The following AGAP3 variants were observed in gnomAD, a reference collection of about 807,000 sequenced individuals.
AGAP3 encodes ArfGAP with GTPase domain, ankyrin repeat and PH domain 3.
Under a neutral mutation model 96.9 loss-of-function variants are expected in AGAP3, and 24 were observed. The ratio of observed to expected loss-of-function variants is 0.25; its 90% CI spans 0.18 to 0.35. AGAP3 has a LOEUF of 0.35. AGAP3 is among the 10% of genes least tolerant of loss of function. The pLI is 1.00. For missense variants in AGAP3, 876 were observed against 1,254.2 expected (o/e 0.70, Z 4.55); for synonymous variants, 563 against 536.1 (o/e 1.05, Z -0.69).
Position 151,127,390 on chromosome 7 carries a change from C to G in AGAP3, c.1222-1190C>G, listed in dbSNP as rs540186570. Reference sequence around the variant, plus strand: ...TAAGTATGGGCAGAGTCCGCTTTTTCAAGTCTCCCTGCTGGGGGTGCTGCC... The same window carrying G: ...TAAGTATGGGCAGAGTCCGCTTTTTGAAGTCTCCCTGCTGGGGGTGCTGCC... On this transcript the variant is annotated intron_variant, in intron 9 of 17. Transcript: ENST00000397238. Among the ~76,000 whole-genome samples, 20 of 152,286 alleles carry G rather than the reference C, an allele frequency of 1.3e-4. No individual in the cohort carries two copies. In the South Asian group the frequency reaches 3.7e-3, roughly 28 times the overall value.
chr7:151,106,263 C>A (rs1420362275), intron 1 of AGAP3, among the ~76,000 whole-genome samples: 2 of 151,608 alleles, frequency 1.3e-5, no homozygotes, highest in Non-Finnish European at 2.9e-5. Context: ...CACAGCAGAT[C>A]TGGGTGTGAG....
intron 1 of AGAP3, among the ~76,000 whole-genome samples, chr7:151,094,167 C>T (rs867858720): frequency 6.6e-5 from 10 of 152,218 alleles, no homozygotes; most frequent in Non-Finnish European, 1.0e-4. Flanking sequence ...ACCCCCAACG[C>T]GGTGTGCTTA....
At chr7:151,110,875 T>G (rs1170756039) in intron 1 of AGAP3, among the ~76,000 whole-genome samples, 2 of 152,022 alleles carry the variant, frequency 1.3e-5, no homozygotes, top group African/African-American at 4.8e-5. Flanking sequence ...GCTCATGTGG[T>G]GCTGTTGAAA....
Position 151,134,542 on chromosome 7 carries a change from G to A in AGAP3, c.1469G>A (p.Ser490Asn), listed in dbSNP as rs1370967715. 6.2e-7 allele frequency: 1 copy of A among 1,612,428 alleles called. No individual in the cohort carries two copies. The highest frequency in any genetic ancestry group is 1.7e-5 in the Admixed American group (1 of 59,942). ...GCCAACGGGCTGTCCGTGGAGCGGA[G>A]TAACACACAGCTGGGTGGGGGCACA... ...PRANGLSVER[S>N]NTQLGGGTGA... The change falls in exon 11 of 18, where the codon AGT becomes AAT. Residue 490 changes from serine to asparagine, a missense_variant. By Grantham distance (46) the Ser-to-Asn change is conservative (BLOSUM62 1). This residue lies in a region of AGAP3 where 155 missense variants were observed against 144.4 expected (regional missense o/e 1.07). Coordinates refer to ENST00000397238, the MANE Select transcript of AGAP3 (RefSeq NM_031946.7).
intron 1 of AGAP3, among the ~76,000 whole-genome samples, chr7:151,107,877 T>G (rs1234244000): frequency 6.6e-6 from 1 of 152,206 alleles, no homozygotes; most frequent in Non-Finnish European, 1.5e-5. Context: ...GTACGATGCT[T>G]CATATTCTGA....
chr7:151,093,068 T>G (rs1369347096), intron 1 of AGAP3, among the ~76,000 whole-genome samples: 1 of 152,226 alleles, frequency 6.6e-6, no homozygotes, highest in African/African-American at 2.4e-5. Context: ...GTAGCACGGA[T>G]GTAGCGTACA....
intron 11 of AGAP3, among the ~76,000 whole-genome samples, chr7:151,137,321 G>A (rs377519792): frequency 2.0e-5 from 3 of 152,254 alleles, no homozygotes; most frequent in Non-Finnish European, 4.4e-5. Flanking sequence ...CCGCTTCAAG[G>A]TTGAAGCACC....
chr7:151,087,373 G>A (rs908384369), intron 1 of AGAP3, among the ~76,000 whole-genome samples: 12 of 152,316 alleles, frequency 7.9e-5, no homozygotes, highest in Non-Finnish European at 1.3e-4. Context: ...GGTGGGCGCG[G>A]CAGAGGGCTT....
At chr7:151,115,254 T>C in intron 1 of AGAP3, 1 of 1,002,226 alleles carries the variant, frequency 1.0e-6, no homozygotes, top group Non-Finnish European at 1.2e-6. Context: ...CGCGGCGTTG[T>C]GGAGCAGCCA....
chr7:151,102,790 A>G (rs1175366348), intron 1 of AGAP3, among the ~76,000 whole-genome samples: 1 of 151,810 alleles, frequency 6.6e-6, no homozygotes, highest in South Asian at 2.1e-4. Context: ...TAATTTTTCT[A>G]TTTTTAGTAG....
At chr7:151,104,123 G>T (rs1045067663) in intron 1 of AGAP3, among the ~76,000 whole-genome samples, 1 of 152,140 alleles carries the variant, frequency 6.6e-6, no homozygotes, top group Non-Finnish European at 1.5e-5. Context: ...CCGCACAACT[G>T]TTCACCTGAT....
chr7:151,119,338 A>C (rs971515898), intron 7 of AGAP3: 3 of 158,010 alleles, frequency 1.9e-5, no homozygotes, highest in Non-Finnish European at 4.2e-5. Flanking sequence ...TGTGCCGTGC[A>C]TGCTTCCCGA....
rs201293080 is a variant in AGAP3 at position 151,117,644 on chromosome 7, C to T, written c.573C>T (p.Ala191=). 204 of 1,614,080 alleles carry T rather than the reference C, an allele frequency of 1.3e-4. No individual in the cohort carries two copies. The African/African-American group carries it at 2.6e-3, about 20-fold the overall frequency. The change falls in exon 5 of 18, where the codon GCC becomes GCT. Residue 191 remains alanine (A), a synonymous_variant. Transcript: ENST00000397238. ...TACTTGCTCTACCCTAGTTTGCTGC[C>T]TGGGTGGATGCAGTGGTGTTTGTGT... ...EGGPPELQFA[A]WVDAVVFVFS... is the part of the protein sequence containing the mutation.
At chr7:151,089,361 C>G (rs1022648722) in intron 1 of AGAP3, among the ~76,000 whole-genome samples, 1 of 152,170 alleles carries the variant, frequency 6.6e-6, no homozygotes, top group Non-Finnish European at 1.5e-5. Flanking sequence ...GCCCTCCACC[C>G]CCAGCCCCAG....
rs757688100 is a variant in AGAP3, at chr7:151,122,462, G to GTGGAC, written c.1129-1331_1129-1327dup. Among the ~76,000 whole-genome samples, 23 of 152,300 alleles carry GTGGAC rather than the reference G, an allele frequency of 1.5e-4. No homozygotes were observed. The East Asian group carries it at 1.9e-3, about 13-fold the overall frequency. On this transcript the variant is annotated intron_variant, in intron 8 of 17. Coordinates refer to ENST00000397238, the MANE Select transcript of AGAP3 (RefSeq NM_031946.7). ...GGCGAACATACCATTCCGTGCTGAG[G>GTGGAC]TGGACGCTTGGCCTGTGTCTGCCCA...
rs1554459022 is a variant in AGAP3, at chr7:151,086,873, G to GGGC, written c.142_144dup (p.Gly48dup). 2 of 1,231,374 alleles carry GGGC rather than the reference G, an allele frequency of 1.6e-6. No individual in the cohort carries two copies. The highest frequency in any genetic ancestry group is 1.6e-5 in the African/African-American group (1 of 62,936). 76.3% of individuals were successfully genotyped at this position (1,231,374 alleles called of 1,614,324 possible). ...TCGGCGGCGCGGGGCCCGGGGCCGG[G>GGGC]GGCGGCGGCGGCCCCTCGCAGCAGC... On this transcript the variant is annotated inframe_insertion, in exon 1 of 18. Coordinates refer to ENST00000397238, the MANE Select transcript of AGAP3 (RefSeq NM_031946.7).
At position 151,087,224 on chromosome 7, in the gene AGAP3, A is replaced by C. The variant is rs867266532; in HGVS notation, c.331+152A>C. ...CACGAGGTTTGCCGATCTGTGTTGC[A>C]GAACCGGCGGGCAGCTTCGCCATAT... On this transcript the variant is annotated intron_variant, in intron 1 of 17. Coordinates refer to ENST00000397238, the MANE Select transcript of AGAP3 (RefSeq NM_031946.7). 6.2e-5 allele frequency: 50 copies of C among 810,732 alleles called. 1 individual carries two copies. In the Middle Eastern group the frequency reaches 1.4e-3, roughly 22 times the overall value. The allele number at this position is 810,732 out of a possible 1,614,324, so 50.2% of individuals were successfully genotyped here.
rs982923187 is a variant in AGAP3, at chr7:151,116,581, T to C, written c.332-212T>C. 1.7e-5 allele frequency: 10 copies of C among 592,776 alleles called. No homozygotes were observed. In the African/African-American group the frequency reaches 1.9e-4, roughly 11 times the overall value. 36.7% of individuals were successfully genotyped at this position (592,776 alleles called of 1,614,324 possible). On this transcript the variant is annotated intron_variant, in intron 1 of 17. Coordinates refer to ENST00000397238, the MANE Select transcript of AGAP3 (RefSeq NM_031946.7). ...ACTGAGCCCACAGCCCTCAGAGTCC[T>C]GTTCTGAAGACCATCCTTACTCTGC... is the stretch of plus-strand genomic sequence containing the variant.
At position 151,142,244 on chromosome 7, in the gene AGAP3, G is replaced by A. The variant is rs1170673630; in HGVS notation, c.2041G>A (p.Asp681Asn). 23 of 1,612,912 alleles carry A rather than the reference G, an allele frequency of 1.4e-5. No homozygotes were observed. The highest frequency in any genetic ancestry group is 1.9e-5 in the Non-Finnish European group (22 of 1,179,944). ...CGGCAACAGCTTTTGTATCGACTGC[G>A]ATGCACCCAGTGAGTGCAAGGCTGG... is the stretch of plus-strand genomic sequence containing the variant. The part of the protein sequence containing the change: ...VRGNSFCIDC[D>N]APNPDWASLN... Residue 681 changes from aspartate to asparagine, a missense_variant, in exon 15 of 18, where the codon GAT (aspartate) becomes AAT (asparagine). By Grantham distance (23) the Asp-to-Asn change is conservative (BLOSUM62 1). This residue lies in a region of AGAP3 where 103 missense variants were observed against 183.0 expected (regional missense o/e 0.56). Coordinates refer to ENST00000397238, the MANE Select transcript of AGAP3 (RefSeq NM_031946.7). The surrounding 1 kb of genome is among the most constrained non-coding windows in gnomAD (Gnocchi z 7.5).
Sources: gnomAD v4.1 joint callset for allele counts (sites outside exome capture counted in the v4.1 genomes callset) on GRCh38, gnomAD v4.1.1 for gene constraint, gnomAD v4.1.1 regional missense constraint, Gnocchi (gnomAD v3.1) non-coding constraint, MANE v1.5 for transcripts, NCBI Gene and HGNC (gene_info 2026-07-23, HGNC 2026-07-21) for gene names.